The following LRMDA variants were observed in gnomAD, a reference collection of about 807,000 sequenced individuals.
LRMDA encodes the protein leucine rich melanocyte differentiation associated.
Under a neutral mutation model 29.8 loss-of-function variants are expected in LRMDA, and 18 were observed. That is an observed-to-expected ratio of 0.60 (90% CI 0.42 to 0.90). LRMDA has a LOEUF of 0.90. Ranked by LOEUF, LRMDA falls within the 40% of genes least tolerant of loss-of-function variation. LRMDA has a pLI of 0.00. For synonymous variants in LRMDA, 125 were observed against 109.4 expected, an observed-to-expected ratio of 1.14 and a Z score of -0.89; for missense variants, 273 against 273.9, an observed-to-expected ratio of 1.00 and a Z score of 0.02.
rs370891995 is a variant in LRMDA, at chr10:75,802,234, C to A, written c.132-233774C>A. Among the ~76,000 whole-genome samples, 18 of 152,138 alleles carry A rather than the reference C, an allele frequency of 1.2e-4. No homozygotes were observed. The East Asian group carries it at 2.3e-3, about 20-fold the overall frequency. ...TGAGGAGCCTGAGGTGGGAGGATAACTTGAACCTGGGAGGTTTAAGCTGCA... is the reference window on the plus strand; with the variant it reads ...TGAGGAGCCTGAGGTGGGAGGATAAATTGAACCTGGGAGGTTTAAGCTGCA... On this transcript the variant is annotated intron_variant, in intron 2 of 6. Transcript: ENST00000611255.
intron 6 of LRMDA, among the ~76,000 whole-genome samples, chr10:76,373,438 A>G (rs1355857083): frequency 1.3e-5 from 2 of 152,188 alleles, no homozygotes; most frequent in African/African-American, 4.8e-5. Flanking sequence ...TTATTATGAT[A>G]CAACTCATTA....
chr10:75,686,868 A>G (rs140205317), intron 2 of LRMDA, among the ~76,000 whole-genome samples: 50 of 152,336 alleles, frequency 3.3e-4, no homozygotes, highest in Middle Eastern at 3.4e-3. Context: ...TCTGTGTCCC[A>G]TGTTAGTAAC....
At chr10:76,045,416 CCT>C (rs1848421056) in intron 3 of LRMDA, among the ~76,000 whole-genome samples, 1 of 151,080 alleles carries the variant, frequency 6.6e-6, no homozygotes, top group South Asian at 2.1e-4. Context: ...GTTAGTTTCC[CCT>C]CTCTTGGTAG....
At chr10:75,527,061 A>G (rs1011680603) in intron 2 of LRMDA, among the ~76,000 whole-genome samples, 4 of 152,108 alleles carry the variant, frequency 2.6e-5, no homozygotes, top group Admixed American at 2.0e-4. Context: ...CCTGGCAACC[A>G]CTAATCTGCT....
chr10:75,942,584 T>C (rs1186109613), intron 2 of LRMDA, among the ~76,000 whole-genome samples: 2 of 152,008 alleles, frequency 1.3e-5, no homozygotes, highest in East Asian at 1.9e-4. Context: ...ATTTCTGCAG[T>C]TGAGATTATA....
intron 2 of LRMDA, among the ~76,000 whole-genome samples, chr10:75,575,859 C>T (rs1256578503): frequency 6.7e-6 from 1 of 150,236 alleles, no homozygotes; most frequent in African/African-American, 2.4e-5. Context: ...GCAGTTTTCA[C>T]AACCCACAGA....
chr10:75,784,077 C>T (rs1311140744), intron 2 of LRMDA, among the ~76,000 whole-genome samples: 6 of 152,168 alleles, frequency 3.9e-5, no homozygotes, highest in Non-Finnish European at 7.3e-5. Flanking sequence ...CCATTACACT[C>T]TAGATTATGT....
intron 5 of LRMDA, among the ~76,000 whole-genome samples, chr10:76,246,164 G>A (rs117755314): frequency 1.8e-3 from 274 of 152,220 alleles, no homozygotes; most frequent in African/African-American, 3.8e-3. Flanking sequence ...CTGGTTCCAC[G>A]CGGTACTACT....
rs1225873046 is a variant in LRMDA, at chr10:76,058,827, A to T, written c.516+44A>T. 4.8e-6 allele frequency: 7 copies of T among 1,456,136 alleles called. No homozygotes were observed. In the Middle Eastern group the frequency reaches 1.1e-3, roughly 225 times the overall value. 90.2% of individuals were successfully genotyped at this position (1,456,136 alleles called of 1,614,324 possible). A position where few individuals can be genotyped will look rare whatever the true frequency, so the allele number is the denominator to read the frequency against. On this transcript the variant is annotated intron_variant, in intron 5 of 6. Coordinates refer to ENST00000611255, the MANE Select transcript of LRMDA (RefSeq NM_001305581.2). ...GTTCTTCACAAGGGATTTACATCTC[A>T]TGGCAGTGCTTACACCCCAGGGCAT...
At chr10:75,768,000 A>T (rs975900866) in intron 2 of LRMDA, among the ~76,000 whole-genome samples, 8 of 152,272 alleles carry the variant, frequency 5.3e-5, no homozygotes, top group African/African-American at 1.7e-4. Flanking sequence ...TGCTGCAGGC[A>T]GCAGGAGCTG....
intron 5 of LRMDA, among the ~76,000 whole-genome samples, chr10:76,125,268 G>A (rs1426450835): frequency 1.3e-5 from 2 of 152,316 alleles, no homozygotes; most frequent in Non-Finnish European, 1.5e-5. Flanking sequence ...CTAGGGGGAA[G>A]CTGGGACAGG....
At chr10:76,283,094 A>G (rs1209098639) in intron 5 of LRMDA, among the ~76,000 whole-genome samples, 1 of 152,232 alleles carries the variant, frequency 6.6e-6, no homozygotes, top group African/African-American at 2.4e-5. Context: ...AGGTTGCAGC[A>G]TATCTTAGGG....
chr10:75,544,393 T>C (rs1036629482), intron 2 of LRMDA, among the ~76,000 whole-genome samples: 25 of 152,340 alleles, frequency 1.6e-4, no homozygotes, highest in Non-Finnish European at 1.5e-5. Flanking sequence ...TGAAAAGGAT[T>C]ATTTTGGGTA....
intron 2 of LRMDA, among the ~76,000 whole-genome samples, chr10:75,694,413 C>G (rs1237184726): frequency 1.3e-5 from 2 of 152,088 alleles, no homozygotes; most frequent in African/African-American, 2.4e-5. Context: ...AACTGAAAGG[C>G]AGTTGTATGG....
intron 2 of LRMDA, among the ~76,000 whole-genome samples, chr10:75,681,157 A>G (rs1223981500): frequency 1.3e-5 from 2 of 152,230 alleles, no homozygotes; most frequent in Non-Finnish European, 2.9e-5. Context: ...CATACTCATC[A>G]AGATCAACTT....
At chr10:76,216,139 A>C (rs529399900) in intron 5 of LRMDA, among the ~76,000 whole-genome samples, 1 of 152,330 alleles carries the variant, frequency 6.6e-6, no homozygotes, top group African/African-American at 2.4e-5. Flanking sequence ...AGATTGCTTA[A>C]GGCCAGGAGT....
intron 5 of LRMDA, among the ~76,000 whole-genome samples, chr10:76,279,540 T>C (rs919862466): frequency 2.8e-4 from 11 of 39,980 alleles, no homozygotes; most frequent in African/African-American, 8.1e-4. Context: ...CAAATGCTTC[T>C]TTTTTTTTTT....
intron 2 of LRMDA, among the ~76,000 whole-genome samples, chr10:75,683,064 A>G (rs1303043216): frequency 1.3e-5 from 2 of 152,316 alleles, no homozygotes; most frequent in Non-Finnish European, 2.9e-5. Flanking sequence ...GCCGCGATGT[A>G]CATTTCCTCT....
At chr10:76,530,612 G>A (rs1369372759) in intron 6 of LRMDA, among the ~76,000 whole-genome samples, 3 of 152,146 alleles carry the variant, frequency 2.0e-5, no homozygotes, top group Non-Finnish European at 2.9e-5. Context: ...AGCAGGAGGA[G>A]GAAAGGGAGA....
Sources: gnomAD v4.1 joint callset for allele counts (sites outside exome capture counted in the v4.1 genomes callset) on GRCh38, gnomAD v4.1.1 for gene constraint, MANE v1.5 for transcripts, NCBI Gene and HGNC (gene_info 2026-07-23, HGNC 2026-07-21) for gene names.